KCNH7: variants seen among roughly 807,000 people sequenced by gnomAD.
KCNH7 encodes voltage-gated inwardly rectifying potassium channel KCNH7.
Under a neutral mutation model 120.8 loss-of-function variants are expected in KCNH7, and 49 were observed. The ratio of observed to expected loss-of-function variants is 0.41; its 90% CI spans 0.32 to 0.51. The LOEUF (loss-of-function observed/expected upper bound fraction) is 0.51, where lower values mean the gene tolerates loss of function less well. Ranked by LOEUF, KCNH7 falls within the 20% of genes least tolerant of loss-of-function variation. KCNH7 has a pLI of 0.38. For missense variants in KCNH7, 1,097 were observed against 1,446.6 expected (o/e 0.76, Z 3.92); for synonymous variants, 547 against 516.1 (o/e 1.06, Z -0.81).
In KCNH7 at chr2:162,687,555, A is replaced by G. The variant is rs555041754; in HGVS notation, c.307+148982T>C. Among the ~76,000 whole-genome samples the G allele has an allele frequency of 2.0e-5, 3 of 152,204 alleles. No individual in the cohort carries two copies. In the East Asian group the frequency reaches 5.8e-4, roughly 29 times the overall value. The stretch of plus-strand genomic sequence containing the variant: ...GCCTGTGACTATGCAATTTTTCCCA[A>G]TTCTACATTCAGCGATGTCACCTTG... On this transcript the variant is annotated intron_variant, in intron 2 of 15. Coordinates refer to ENST00000332142, the MANE Select transcript of KCNH7 (RefSeq NM_033272.4).
intron 2 of KCNH7, among the ~76,000 whole-genome samples, chr2:162,762,110 C>G (rs1688987939): frequency 6.6e-6 from 1 of 151,904 alleles, no homozygotes. Flanking sequence ...CCTCTCTTTT[C>G]TTTAGATCTT....
At chr2:162,784,256 T>C (rs1344450280) in intron 2 of KCNH7, among the ~76,000 whole-genome samples, 1 of 152,134 alleles carries the variant, frequency 6.6e-6, no homozygotes, top group African/African-American at 2.4e-5. Context: ...CCCTATCACA[T>C]TGTTTTATTT....
chr2:162,632,662 G>T (rs1361594383), intron 2 of KCNH7, among the ~76,000 whole-genome samples: 1 of 151,718 alleles, frequency 6.6e-6, no homozygotes, highest in African/African-American at 2.4e-5. Context: ...CAATGGAAAA[G>T]AATTGATTCC....
chr2:162,569,690 C>T (rs1259439098), intron 2 of KCNH7, among the ~76,000 whole-genome samples: 2 of 151,884 alleles, frequency 1.3e-5, no homozygotes, highest in Non-Finnish European at 2.9e-5. Context: ...TCCCTCTGCA[C>T]ATTGCTTTGA....
intron 2 of KCNH7, among the ~76,000 whole-genome samples, chr2:162,758,711 T>G (rs1370821065): frequency 4.6e-5 from 7 of 152,132 alleles, no homozygotes; most frequent in Non-Finnish European, 1.0e-4. Context: ...AATTATTTCC[T>G]ATACCAAAGG....
intron 2 of KCNH7, among the ~76,000 whole-genome samples, chr2:162,770,167 C>A (rs1272405668): frequency 6.6e-6 from 1 of 151,900 alleles, no homozygotes; most frequent in Non-Finnish European, 1.5e-5. Context: ...ATTCTCACAT[C>A]AATCCACTCA....
chr2:162,810,061 G>A lies in KCNH7; in HGVS notation c.307+26476C>T, dbSNP rs1419219417. On this transcript the variant is annotated intron_variant, in intron 2 of 15. Coordinates refer to ENST00000332142, the MANE Select transcript of KCNH7 (RefSeq NM_033272.4). ...CTCCCGAGTAGCTGGGACTACAGGC[G>A]CCCGCCACCACGCCCAGCTAATTTT... 2.7e-5 allele frequency among the ~76,000 whole-genome samples: 2 copies of A among 73,988 alleles called. 1 individual carries two copies. The highest frequency in any genetic ancestry group is 8.6e-5 in the African/African-American group (2 of 23,294). The allele number at this position is 73,988 out of a possible 152,430, so 48.5% of individuals were successfully genotyped here.
At chr2:162,520,035 T>G (rs1463007568) in intron 3 of KCNH7, among the ~76,000 whole-genome samples, 1 of 151,510 alleles carries the variant, frequency 6.6e-6, no homozygotes, top group African/African-American at 2.4e-5. Context: ...AGCCCAGACC[T>G]CTCCTCTGTG....
chr2:162,794,012 A>G (rs2105525019), intron 2 of KCNH7, among the ~76,000 whole-genome samples: 1 of 152,134 alleles, frequency 6.6e-6, no homozygotes, highest in Non-Finnish European at 1.5e-5. Context: ...TTCACAATGT[A>G]TACATGTATC....
intron 2 of KCNH7, among the ~76,000 whole-genome samples, chr2:162,823,615 T>C (rs1685190306): frequency 6.6e-6 from 1 of 152,154 alleles, no homozygotes; most frequent in South Asian, 2.1e-4. Context: ...CACTTCATAG[T>C]ATAATAATGT....
At chr2:162,556,159 T>C (rs1195563403) in intron 2 of KCNH7, among the ~76,000 whole-genome samples, 1 of 152,116 alleles carries the variant, frequency 6.6e-6, no homozygotes, top group Non-Finnish European at 1.5e-5. Flanking sequence ...TATATATAAT[T>C]ATGCATGCTT....
At chr2:162,614,373 G>C (rs1484008614) in intron 2 of KCNH7, among the ~76,000 whole-genome samples, 1 of 151,976 alleles carries the variant, frequency 6.6e-6, no homozygotes, top group Non-Finnish European at 1.5e-5. Context: ...TAGCATTGCT[G>C]TATGGAAAGT....
intron 2 of KCNH7, among the ~76,000 whole-genome samples, chr2:162,795,199 T>C (rs765371342): frequency 2.6e-5 from 4 of 152,096 alleles, no homozygotes; most frequent in Non-Finnish European, 4.4e-5. Context: ...ATTCAGTAAT[T>C]AGGCAATGCA....
intron 2 of KCNH7, among the ~76,000 whole-genome samples, chr2:162,739,805 T>A (rs1463276654): frequency 1.3e-5 from 2 of 152,184 alleles, no homozygotes; most frequent in Non-Finnish European, 2.9e-5. Context: ...ATAGCCACAT[T>A]GAAAGATATG....
intron 12 of KCNH7, among the ~76,000 whole-genome samples, chr2:162,385,579 T>C (rs1055810947): frequency 2.6e-5 from 4 of 151,958 alleles, no homozygotes; most frequent in African/African-American, 4.8e-5. Context: ...TGTTTTATAC[T>C]GAAATGTCAG....
intron 2 of KCNH7, among the ~76,000 whole-genome samples, chr2:162,732,482 T>C (rs1008912720): frequency 6.0e-5 from 9 of 149,466 alleles, no homozygotes; most frequent in Non-Finnish European, 1.2e-4. Context: ...ATCCAGTTAC[T>C]GGTTAAAGAT....
intron 7 of KCNH7, among the ~76,000 whole-genome samples, chr2:162,439,342 A>G (rs189678054): frequency 2.9e-4 from 44 of 152,266 alleles, no homozygotes; most frequent in African/African-American, 1.0e-3. Context: ...AAATGTGGTT[A>G]TTGTTATAAA....
intron 2 of KCNH7, among the ~76,000 whole-genome samples, chr2:162,826,256 A>C (rs1685281840): frequency 6.6e-6 from 1 of 152,128 alleles, no homozygotes; most frequent in Non-Finnish European, 1.5e-5. Flanking sequence ...GTATTTTGTC[A>C]TGTGTATTTA....
At chr2:162,530,556 G>T (rs6742370) in intron 3 of KCNH7, among the ~76,000 whole-genome samples, 54 of 151,892 alleles carry the variant, frequency 3.6e-4, no homozygotes, top group African/African-American at 1.3e-3. Context: ...TTTAAAATTC[G>T]CCTTTGTGAA....
Sources: allele counts gnomAD v4.1 joint callset (sites outside exome capture counted in the v4.1 genomes callset), GRCh38; gene constraint gnomAD v4.1.1; transcripts MANE v1.5; gene names NCBI Gene and HGNC (gene_info 2026-07-23, HGNC 2026-07-21).